The following BRF1 variants were observed in gnomAD, a reference collection of about 807,000 sequenced individuals.
The protein encoded by BRF1 is transcription factor IIIB 90 kDa subunit.
In BRF1, 59 loss-of-function variants were observed where a neutral mutation model predicts 81.7. The observed-to-expected ratio is 0.72, with a 90% CI of 0.59 to 0.90. The LOEUF (loss-of-function observed/expected upper bound fraction) is 0.90, where lower values mean the gene tolerates loss of function less well. BRF1 is among the 40% of genes least tolerant of loss of function. The probability of loss-of-function intolerance (pLI) is 0.00; values close to 1 mark genes in which losing one functional copy is unlikely to be tolerated. For synonymous variants in BRF1, 491 were observed against 395.6 expected, an observed-to-expected ratio of 1.24 and a Z score of -2.86; for missense variants, 1,050 against 936.3, an observed-to-expected ratio of 1.12 and a Z score of -1.58.
chr14:105,249,338 C>G (rs749164587), intron 5 of BRF1: 3 of 1,603,392 alleles, frequency 1.9e-6, no homozygotes, highest in Non-Finnish European at 2.6e-6. Flanking sequence ...GCCAGGCTCA[C>G]GGCGGCGCTT....
chr14:105,277,731 G>A (rs2056905269), intron 2 of BRF1, among the ~76,000 whole-genome samples: 1 of 152,196 alleles, frequency 6.6e-6, no homozygotes, highest in Non-Finnish European at 1.5e-5. Flanking sequence ...GGCTTATGAT[G>A]ACTGCAGTAA....
chr14:105,267,059 G>A (rs1430088466), intron 3 of BRF1, among the ~76,000 whole-genome samples: 1 of 152,118 alleles, frequency 6.6e-6, no homozygotes, highest in African/African-American at 2.4e-5. Context: ...AAAATGAAAA[G>A]AAAGAAGCAG....
intron 1 of BRF1, chr14:105,314,863 G>T (rs1160580490): frequency 2.1e-5 from 17 of 827,960 alleles, no homozygotes; most frequent in Non-Finnish European, 2.5e-5. Context: ...CGCCCGCCGC[G>T]CGTCCGCGGC....
intron 5 of BRF1, chr14:105,242,401 A>C (rs1000039643): frequency 6.6e-6 from 1 of 152,198 alleles, no homozygotes; most frequent in East Asian, 1.9e-4. Context: ...GATTTTCAAT[A>C]AGATACAATC....
intron 5 of BRF1, 79 bp from the exon 6 acceptor site, chr14:105,241,493 G>A (rs2054640101): frequency 5.7e-6 from 9 of 1,568,714 alleles, no homozygotes; most frequent in Non-Finnish European, 7.8e-6. Flanking sequence ...GCCCAGGGGT[G>A]GGGCAACCTG....
chr14:105,249,423 A>C, intron 5 of BRF1: 3 of 1,613,664 alleles, frequency 1.9e-6, no homozygotes, highest in Non-Finnish European at 2.5e-6. Context: ...GGCGGAAGTC[A>C]AATCTGAAAT....
At chr14:105,260,420 G>A (rs1258207129) in intron 3 of BRF1, among the ~76,000 whole-genome samples, 6 of 151,878 alleles carry the variant, frequency 4.0e-5, no homozygotes, top group Admixed American at 3.3e-4. Context: ...CGCCCAGGCT[G>A]GAGTGCAATG....
intron 12 of BRF1, 165 bp downstream of exon 12, chr14:105,219,901 TGGG>T: frequency 1.5e-6 from 1 of 676,474 alleles, no homozygotes; most frequent in Non-Finnish European, 2.4e-6. Flanking sequence ...GAAGAGAGTG[TGGG>T]GGGGGGTCCC....
chr14:105,247,906 C>A (rs983478470), intron 5 of BRF1: 13 of 985,450 alleles, frequency 1.3e-5, no homozygotes, highest in Non-Finnish European at 1.6e-5. Flanking sequence ...GGATTAGCCC[C>A]AGGCCGGGAG....
chr14:105,229,426 G>A (rs147684223), intron 6 of BRF1, among the ~76,000 whole-genome samples: 11 of 152,224 alleles, frequency 7.2e-5, no homozygotes, highest in Non-Finnish European at 1.3e-4. Flanking sequence ...CCGGTACCTG[G>A]CCTGCCGGGT....
intron 5 of BRF1, chr14:105,241,787 C>T (rs942957448): frequency 7.7e-6 from 2 of 260,592 alleles, no homozygotes; most frequent in South Asian, 5.0e-5. Context: ...GCAAGACAGG[C>T]GTGGGCTGGG....
Position 105,210,504 on chromosome 14 carries a change from A to T in BRF1, c.*47T>A. ...TGGAAGCCCGTCTGATGCTGAGGAG[A>T]CCCGCGAGGCCCCCTGCCAGGACAT... On this transcript the variant is annotated 3_prime_UTR_variant, in exon 18 of 18. Coordinates refer to ENST00000547530, the MANE Select transcript of BRF1 (RefSeq NM_001519.4). The surrounding 1 kb of genome is among the most constrained non-coding windows in gnomAD (Gnocchi z 4.7). 1 of 1,601,946 alleles carries T rather than the reference A, an allele frequency of 6.2e-7. No homozygotes were observed. The highest frequency in any genetic ancestry group is 8.5e-7 in the Non-Finnish European group (1 of 1,177,542).
chr14:105,241,140 G>A (rs2054588915), intron 6 of BRF1, 125 bp downstream of exon 6: 7 of 1,461,604 alleles, frequency 4.8e-6, no homozygotes, highest in South Asian at 1.3e-5. Flanking sequence ...GTCAGCCCCG[G>A]GAGGCTGGAG....
At chr14:105,314,514 T>C (rs1314096262) in intron 1 of BRF1, 1 of 145,088 alleles carries the variant, frequency 6.9e-6, no homozygotes, top group Non-Finnish European at 1.5e-5. Flanking sequence ...GAGTGCGCGC[T>C]CTCGCGCACC....
intron 1 of BRF1, among the ~76,000 whole-genome samples, chr14:105,311,007 C>CA (rs2058337989): frequency 6.6e-6 from 1 of 152,194 alleles, no homozygotes; most frequent in South Asian, 2.1e-4. Flanking sequence ...GGCTGGAGTG[C>CA]AGTGGCACAA....
chr14:105,275,892 C>T (rs2056860693), intron 2 of BRF1, among the ~76,000 whole-genome samples: 1 of 152,248 alleles, frequency 6.6e-6, no homozygotes, highest in Non-Finnish European at 1.5e-5. Context: ...GCTCTTCTAC[C>T]ACGTGAGGCC....
At chr14:105,310,183 G>A (rs183922377) in intron 1 of BRF1, among the ~76,000 whole-genome samples, 44 of 152,074 alleles carry the variant, frequency 2.9e-4, no homozygotes, top group African/African-American at 1.0e-3. Flanking sequence ...ATTTTCCACT[G>A]GGAATTTTTT....
At chr14:105,229,710 C>A (rs587639629) in intron 6 of BRF1, among the ~76,000 whole-genome samples, 1 of 122,194 alleles carries the variant, frequency 8.2e-6, no homozygotes, top group African/African-American at 3.1e-5. Flanking sequence ...GAGAGAGAGG[C>A]CACACCACTG....
intron 1 of BRF1, among the ~76,000 whole-genome samples, chr14:105,286,836 G>A (rs1448319481): frequency 2.6e-5 from 4 of 152,216 alleles, no homozygotes; most frequent in South Asian, 2.1e-4. Context: ...CAGAGTGGAC[G>A]CTGTCAAATG....
Sources: gnomAD v4.1 joint callset for allele counts (sites outside exome capture counted in the v4.1 genomes callset) on GRCh38, gnomAD v4.1.1 for gene constraint, Gnocchi (gnomAD v3.1) non-coding constraint, MANE v1.5 for transcripts, NCBI Gene and HGNC (gene_info 2026-07-23, HGNC 2026-07-21) for gene names.